Variants in UGT1A8 observed in about 807,000 individuals in gnomAD.
UGT1A8 encodes the protein UDP-glucuronosyltransferase 1A8.
A neutral mutation model predicts 45.3 loss-of-function variants in UGT1A8; 39 were observed. The observed-to-expected ratio is 0.86, with a 90% CI of 0.67 to 1.12. UGT1A8 has a LOEUF of 1.12. UGT1A8 is among the 50% of genes most tolerant of loss of function. UGT1A8 has a pLI of 0.00. For missense variants in UGT1A8, 719 were observed against 664.9 expected, an observed-to-expected ratio of 1.08 and a Z score of -0.90; for synonymous variants, 275 against 249.2, an observed-to-expected ratio of 1.10 and a Z score of -0.97.
At chr2:233,690,816 C>T (rs1482540145) in intron 1 of UGT1A8, 2 of 1,075,496 alleles carry the variant, frequency 1.9e-6, no homozygotes, top group African/African-American at 3.4e-5. Flanking sequence ...TTAGTACAGT[C>T]AAAGCTCACA....
At chr2:233,744,830 C>T (rs1397752961) in intron 1 of UGT1A8, among the ~76,000 whole-genome samples, 2 of 151,900 alleles carry the variant, frequency 1.3e-5, no homozygotes, top group African/African-American at 4.9e-5. Context: ...CTTTGAGAAT[C>T]GCTAGTCTAG....
At chr2:233,760,969 TC>T in intron 1 of UGT1A8, 1 of 1,614,196 alleles carries the variant, frequency 6.2e-7, no homozygotes, top group Admixed American at 1.7e-5. Context: ...CGTGGTTTAT[TC>T]CCCGTATGCA....
At chr2:233,689,532 G>T (rs1270409073) in intron 1 of UGT1A8, among the ~76,000 whole-genome samples, 4 of 152,224 alleles carry the variant, frequency 2.6e-5, no homozygotes, top group Admixed American at 2.0e-4. Context: ...CATGAGAAGT[G>T]AGGGCTTGCA....
intron 1 of UGT1A8, among the ~76,000 whole-genome samples, chr2:233,683,415 TG>T (rs1393615511): frequency 2.6e-5 from 4 of 152,164 alleles, no homozygotes; most frequent in Non-Finnish European, 5.9e-5. Context: ...TTTCCACTTT[TG>T]GGGTTTATGA....
chr2:233,766,281 G>A (rs1699102730), intron 1 of UGT1A8, among the ~76,000 whole-genome samples: 1 of 151,840 alleles, frequency 6.6e-6, no homozygotes. Context: ...GGTGGCCCGG[G>A]CTCGGTGGCC....
chr2:233,682,079 C>T lies in UGT1A8; in HGVS notation c.855+63517C>T, dbSNP rs1575428068. 3.1e-6 allele frequency: 5 copies of T among 1,614,000 alleles called. No individual in the cohort carries two copies. In the South Asian group the frequency reaches 5.5e-5, roughly 18 times the overall value. Reference sequence around the variant, plus strand: ...CACCATGCAGTCGGTGGTGGAGAAACTCATCCTCAGGGGGCATGAGGTGGT... The same window carrying T: ...CACCATGCAGTCGGTGGTGGAGAAATTCATCCTCAGGGGGCATGAGGTGGT... On this transcript the variant is annotated intron_variant, in intron 1 of 4. Coordinates refer to ENST00000373450, the MANE Select transcript of UGT1A8 (RefSeq NM_019076.5).
intron 1 of UGT1A8, among the ~76,000 whole-genome samples, chr2:233,676,504 A>G (rs958532321): frequency 5.3e-5 from 8 of 152,198 alleles, no homozygotes; most frequent in Admixed American, 4.6e-4. Context: ...TAAAAGCTAA[A>G]GTCTGTTTCC....
chr2:233,755,791 C>G (rs1696023449), intron 1 of UGT1A8: 1 of 152,376 alleles, frequency 6.6e-6, no homozygotes, highest in Non-Finnish European at 1.5e-5. Flanking sequence ...ATCATATGTA[C>G]TGCATTAGAG....
chr2:233,668,759 T>C (rs2074125975), intron 1 of UGT1A8, among the ~76,000 whole-genome samples: 1 of 152,238 alleles, frequency 6.6e-6, no homozygotes, highest in African/African-American at 2.4e-5. Flanking sequence ...TGACACATTA[T>C]GTTGAACCAA....
chr2:233,644,295 C>A (rs112205434), intron 1 of UGT1A8, among the ~76,000 whole-genome samples: 3 of 152,158 alleles, frequency 2.0e-5, no homozygotes, highest in African/African-American at 7.2e-5. Flanking sequence ...ATGCTGGGCA[C>A]GGTGGCTCAT....
intron 1 of UGT1A8, chr2:233,672,897 T>C (rs2074245451): frequency 4.0e-6 from 6 of 1,511,396 alleles, no homozygotes; most frequent in Non-Finnish European, 4.4e-6. Flanking sequence ...CATTTCAAAT[T>C]TCTTTCCAGT....
At chr2:233,715,581 G>T (rs2076458979) in intron 1 of UGT1A8, among the ~76,000 whole-genome samples, 4 of 152,084 alleles carry the variant, frequency 2.6e-5, no homozygotes, top group Middle Eastern at 6.8e-3. Flanking sequence ...AGAGCAGCCT[G>T]GGCAACATGC....
chr2:233,627,677 C>CTTCT (rs1161705200), intron 1 of UGT1A8, among the ~76,000 whole-genome samples: 5 of 120,948 alleles, frequency 4.1e-5, no homozygotes, highest in African/African-American at 1.7e-4. Flanking sequence ...TCCTTCCTTC[C>CTTCT]TTCTTTCTTT....
At chr2:233,681,446 G>C (rs767589751) in intron 1 of UGT1A8, among the ~76,000 whole-genome samples, 1 of 144,682 alleles carries the variant, frequency 6.9e-6, no homozygotes, top group South Asian at 2.2e-4. Flanking sequence ...CAGGAGAATC[G>C]TTTGAACCCA....
intron 1 of UGT1A8, among the ~76,000 whole-genome samples, chr2:233,741,313 C>T (rs1377772642): frequency 1.3e-5 from 2 of 151,788 alleles, no homozygotes; most frequent in African/African-American, 4.9e-5. Flanking sequence ...TACACACCAA[C>T]TCATTCTACT....
intron 1 of UGT1A8, among the ~76,000 whole-genome samples, chr2:233,704,774 T>A (rs2125597595): frequency 6.6e-6 from 1 of 152,284 alleles, no homozygotes; most frequent in Admixed American, 6.5e-5. Flanking sequence ...CGCTTCCATA[T>A]GTTATAGTCC....
chr2:233,760,908 G>A lies in UGT1A8; in HGVS notation c.856-6126G>A, dbSNP rs1697607352. On this transcript the variant is annotated intron_variant, in intron 1 of 4. Coordinates refer to ENST00000373450, the MANE Select transcript of UGT1A8 (RefSeq NM_019076.5). ...CTCATTCAGATCACATGACCTTCCT[G>A]CAGCGGGTGAAGAACATGCTCATTG... 7 of 1,614,034 alleles carry A rather than the reference G, an allele frequency of 4.3e-6. No individual in the cohort carries two copies. The Middle Eastern group carries it at 6.6e-4, about 152-fold the overall frequency.
chr2:233,751,050 G>A (rs1201577547), intron 1 of UGT1A8, among the ~76,000 whole-genome samples: 3 of 151,910 alleles, frequency 2.0e-5, no homozygotes, highest in Admixed American at 2.0e-4. Context: ...GCCTGGAAAA[G>A]ACACAGACAC....
rs62625011 is a variant in UGT1A8 at position 233,767,092 on chromosome 2, G to A, written c.914G>A (p.Gly305Glu). The A allele has an allele frequency of 2.5e-6, 4 of 1,614,070 alleles. No individual in the cohort carries two copies. In the Admixed American group the frequency reaches 5.0e-5, roughly 20 times the overall value. The change falls in exon 2 of 5, where the codon GGA becomes GAA. Residue 305 changes from glycine to glutamate, a missense_variant. Coordinates refer to ENST00000373450, the MANE Select transcript of UGT1A8 (RefSeq NM_019076.5). ...CATGGAATTGTGGTTTTCTCTTTGG[G>A]ATCAATGGTCTCAGAAATTCCAGAG... ...GEHGIVVFSL[G>E]SMVSEIPEKK...
Sources: gnomAD v4.1 joint callset for allele counts (sites outside exome capture counted in the v4.1 genomes callset) on GRCh38, gnomAD v4.1.1 for gene constraint, MANE v1.5 for transcripts, NCBI Gene and HGNC (gene_info 2026-07-23, HGNC 2026-07-21) for gene names.